Variants in RGS7 observed in about 807,000 individuals in gnomAD.
The protein encoded by RGS7 is regulator of G protein signaling 7.
In RGS7, 27 loss-of-function variants were observed where a neutral mutation model predicts 81.1. That is an observed-to-expected ratio of 0.33 (90% CI 0.25 to 0.46). RGS7 has a LOEUF of 0.46. Ranked by LOEUF, RGS7 falls within the 20% of genes least tolerant of loss-of-function variation. RGS7 has a pLI of 1.00. For missense variants in RGS7, 396 were observed against 607.4 expected (o/e 0.65, Z 3.66); for synonymous variants, 208 against 207.7 (o/e 1.00, Z -0.01).
intron 2 of RGS7, among the ~76,000 whole-genome samples, chr1:241,301,404 G>A (rs1039634303): frequency 3.9e-5 from 6 of 152,222 alleles, no homozygotes; most frequent in African/African-American, 1.4e-4. Flanking sequence ...AATCATCAGT[G>A]TTTGCTTGAA....
At chr1:241,046,500 T>G (rs939131437) in intron 3 of RGS7, among the ~76,000 whole-genome samples, 1 of 152,226 alleles carries the variant, frequency 6.6e-6, no homozygotes. Flanking sequence ...ACTTTTGATA[T>G]CATTCAAGTG....
chr1:241,336,630 G>A (rs1283554623), intron 2 of RGS7, among the ~76,000 whole-genome samples: 1 of 152,066 alleles, frequency 6.6e-6, no homozygotes, highest in East Asian at 1.9e-4. Flanking sequence ...AAACATCTTT[G>A]TCCCATTCCA....
chr1:240,950,718 CA>C (rs1232077158), intron 4 of RGS7, among the ~76,000 whole-genome samples: 2 of 152,168 alleles, frequency 1.3e-5, no homozygotes, highest in Admixed American at 6.5e-5. Flanking sequence ...TGTTAAGACA[CA>C]AACATTCTCT....
chr1:241,205,076 A>ATT (rs10649310), intron 2 of RGS7, among the ~76,000 whole-genome samples: 2,029 of 125,970 alleles, frequency 0.016, 51 homozygotes, highest in African/African-American at 0.05. Context: ...TTCATTTGTG[A>ATT]TTTTTTTTTT....
chr1:240,842,199 A>ATTTTTTTTTTTTTTTTTTT (rs568381066), intron 9 of RGS7, among the ~76,000 whole-genome samples: 3,360 of 78,424 alleles, frequency 0.043, 952 homozygotes, highest in African/African-American at 0.099. Flanking sequence ...TTTGTCAGGA[A>ATTTTTTTTTTTTTTTTTTT]TTTTTTTTTT....
chr1:241,017,310 G>A lies in RGS7; in HGVS notation c.176-34181C>T, dbSNP rs186432067. 2.5e-3 allele frequency among the ~76,000 whole-genome samples: 380 copies of A among 152,052 alleles called. 1 individual carries two copies. The highest frequency in any genetic ancestry group is 4.7e-3 in the Non-Finnish European group (320 of 67,978). ...ACAAAAATTAGCTGGGCGTGGTGGCGCACGCCTGTAATTCCAGCTACCAGG... is the reference window on the plus strand; with the variant it reads ...ACAAAAATTAGCTGGGCGTGGTGGCACACGCCTGTAATTCCAGCTACCAGG... On this transcript the variant is annotated intron_variant, in intron 3 of 18. Coordinates refer to ENST00000440928, the MANE Select transcript of RGS7 (RefSeq NM_001364886.1).
At chr1:241,315,510 C>T (rs2080822006) in intron 2 of RGS7, among the ~76,000 whole-genome samples, 1 of 152,112 alleles carries the variant, frequency 6.6e-6, no homozygotes, top group Non-Finnish European at 1.5e-5. Flanking sequence ...AATGTTATTA[C>T]TTTTTACTAA....
rs370242694 is a variant in RGS7, at chr1:240,825,329, A to G, written c.684+1769T>C. On this transcript the variant is annotated intron_variant, in intron 10 of 18. Transcript: ENST00000440928. ...CTAAAGTATCAGTGGTGATACTTCT[A>G]AAAAATATTAGTATGTGGCTTGGAG... is the stretch of plus-strand genomic sequence containing the variant. Among the ~76,000 whole-genome samples the G allele has an allele frequency of 1.5e-4, 23 of 152,332 alleles. No homozygotes were observed. The East Asian group carries it at 4.1e-3, about 27-fold the overall frequency.
At chr1:241,170,680 T>C (rs1404322824) in intron 2 of RGS7, among the ~76,000 whole-genome samples, 3 of 152,196 alleles carry the variant, frequency 2.0e-5, no homozygotes, top group African/African-American at 7.2e-5. Flanking sequence ...TGCAAAAGGC[T>C]GATGGAGATC....
At chr1:241,045,654 G>A (rs866894053) in intron 3 of RGS7, among the ~76,000 whole-genome samples, 7 of 152,182 alleles carry the variant, frequency 4.6e-5, no homozygotes, top group Admixed American at 2.0e-4. Flanking sequence ...ATGAGCCACC[G>A]CGCCTGGCCT....
At chr1:240,827,874 A>AC (rs1553315777) in intron 9 of RGS7, among the ~76,000 whole-genome samples, 1 of 144,106 alleles carries the variant, frequency 6.9e-6, no homozygotes, top group African/African-American at 2.9e-5. Context: ...CAAAAAAAAA[A>AC]AAAAAAAAAA....
At chr1:241,192,293 T>TACCA (rs2072748949) in intron 2 of RGS7, among the ~76,000 whole-genome samples, 1 of 148,354 alleles carries the variant, frequency 6.7e-6, no homozygotes, top group Non-Finnish European at 1.5e-5. Context: ...GTGTTTGGTT[T>TACCA]GCTTTGATTT....
intron 6 of RGS7, among the ~76,000 whole-genome samples, chr1:240,895,389 T>A (rs1403592604): frequency 6.6e-6 from 1 of 152,118 alleles, no homozygotes; most frequent in Non-Finnish European, 1.5e-5. Context: ...GCTGCACCCA[T>A]TAACGTGTCA....
intron 4 of RGS7, among the ~76,000 whole-genome samples, chr1:240,944,480 A>G (rs1678260240): frequency 6.6e-6 from 1 of 151,938 alleles, no homozygotes; most frequent in African/African-American, 2.4e-5. Flanking sequence ...TTCAGTATAC[A>G]TTCTGCAAAA....
At chr1:241,011,001 C>T (rs2058930015) in intron 3 of RGS7, among the ~76,000 whole-genome samples, 1 of 151,940 alleles carries the variant, frequency 6.6e-6, no homozygotes, top group African/African-American at 2.4e-5. Flanking sequence ...TTTTTTTGGA[C>T]CTCTAACCAA....
intron 2 of RGS7, 150 bp from the exon 3 acceptor site, chr1:241,098,912 A>G (rs2064503397): frequency 3.1e-6 from 2 of 652,298 alleles, no homozygotes; most frequent in African/African-American, 3.6e-5. Context: ...TTAATAGTTT[A>G]AATACTGTTA....
chr1:241,085,332 G>T (rs918407506), intron 3 of RGS7, among the ~76,000 whole-genome samples: 3 of 152,152 alleles, frequency 2.0e-5, no homozygotes, highest in Admixed American at 2.0e-4. Context: ...GGCAGTGGTG[G>T]TGGATATTTC....
chr1:241,044,504 C>T lies in RGS7; in HGVS notation c.175+54162G>A, dbSNP rs144110187. ...GTGGCACAATCATAGCTCACTGTAACCTCAAATTCCTAGGCTCAGGCAATC... is the reference window on the plus strand; with the variant it reads ...GTGGCACAATCATAGCTCACTGTAATCTCAAATTCCTAGGCTCAGGCAATC... On this transcript the variant is annotated intron_variant, in intron 3 of 18. Coordinates refer to ENST00000440928, the MANE Select transcript of RGS7 (RefSeq NM_001364886.1). Among the ~76,000 whole-genome samples, 255 of 152,256 alleles carry T rather than the reference C, an allele frequency of 1.7e-3. 1 individual carries two copies. The highest frequency in any genetic ancestry group is 5.9e-3 in the African/African-American group (247 of 41,532).
chr1:240,975,641 T>C (rs1168815697), intron 4 of RGS7, among the ~76,000 whole-genome samples: 1 of 152,226 alleles, frequency 6.6e-6, no homozygotes, highest in Admixed American at 6.5e-5. Flanking sequence ...TATCTGTCAA[T>C]AATTTTGTGA....
Sources: allele counts gnomAD v4.1 joint callset (sites outside exome capture counted in the v4.1 genomes callset), GRCh38; gene constraint gnomAD v4.1.1; transcripts MANE v1.5; gene names NCBI Gene and HGNC (gene_info 2026-07-23, HGNC 2026-07-21).